SYNE3: variants seen among roughly 807,000 people sequenced by gnomAD.
SYNE3 encodes spectrin repeat containing nuclear envelope family member 3.
A neutral mutation model predicts 111.2 loss-of-function variants in SYNE3; 100 were observed. The ratio of observed to expected loss-of-function variants is 0.90; its 90% CI spans 0.77 to 1.06. SYNE3 has a LOEUF of 1.06. Among genes scored for constraint, SYNE3 ranks in the 50% least tolerant of loss-of-function variants. SYNE3 has a pLI of 0.00. For synonymous variants in SYNE3, 547 were observed against 533.9 expected, an observed-to-expected ratio of 1.02 and a Z score of -0.34; for missense variants, 1,160 against 1,240.3, an observed-to-expected ratio of 0.94 and a Z score of 0.97.
chr14:95,433,574 G>GC (rs1885916672), intron 15 of SYNE3, among the ~76,000 whole-genome samples, 165 bp from the exon 16 acceptor site: 1 of 152,210 alleles, frequency 6.6e-6, no homozygotes, highest in South Asian at 2.1e-4. Context: ...TCAAGCCAAG[G>GC]CCTAGCCCTT....
chr14:95,468,057 G>A (rs1888304618), intron 2 of SYNE3, 90 bp from the exon 3 acceptor site: 2 of 1,423,972 alleles, frequency 1.4e-6, no homozygotes, highest in Admixed American at 4.5e-5. Flanking sequence ...CAAAGAGCCA[G>A]GACTCGAAGG....
intron 17 of SYNE3, among the ~76,000 whole-genome samples, chr14:95,422,457 G>C (rs538193511): frequency 6.6e-6 from 1 of 152,244 alleles, no homozygotes; most frequent in East Asian, 1.9e-4. Flanking sequence ...CAGAGCCCAG[G>C]CTCTTCCTAC....
Position 95,417,928 on chromosome 14 carries a change from G to A in SYNE3, c.2826C>T (p.Phe942=), listed in dbSNP as rs766579567. The stretch of plus-strand genomic sequence containing the variant: ...GGTCCTCTTCCCTGATTGGGAGCAG[G>A]AACAGCAGGAGGAGGAACAGCAGCA... ...LLLLLFLLLL[F]LLPIREEDRS... Residue 942 remains phenylalanine, a synonymous_variant, in exon 18 of 18, where the codon TTC becomes TTT. Transcript: ENST00000682763. 2.5e-6 allele frequency: 4 copies of A among 1,614,114 alleles called. No individual in the cohort carries two copies. In the East Asian group the frequency reaches 8.9e-5, roughly 36 times the overall value.
intron 17 of SYNE3, among the ~76,000 whole-genome samples, chr14:95,419,226 T>C (rs1374241746): frequency 6.6e-6 from 1 of 152,156 alleles, no homozygotes. Context: ...CGAGCCCAGC[T>C]TTTAGGATCC....
At chr14:95,427,846 C>T (rs550759199) in intron 17 of SYNE3, among the ~76,000 whole-genome samples, 10 of 152,314 alleles carry the variant, frequency 6.6e-5, no homozygotes, top group Middle Eastern at 3.4e-3. Context: ...TACAATCTCT[C>T]GTCTCCGCAT....
intron 16 of SYNE3, 77 bp from the exon 17 acceptor site, chr14:95,432,194 C>T: frequency 6.6e-7 from 1 of 1,507,088 alleles, no homozygotes; most frequent in Non-Finnish European, 9.1e-7. Flanking sequence ...CCAACAGAGC[C>T]TGTAATGGAA....
At chr14:95,419,762 T>A (rs537124641) in intron 17 of SYNE3, among the ~76,000 whole-genome samples, 5 of 142,542 alleles carry the variant, frequency 3.5e-5, no homozygotes, top group African/African-American at 1.3e-4. Flanking sequence ...GTGATAATGA[T>A]CATGGAAATG....
chr14:95,439,493 C>CG, intron 13 of SYNE3, 119 bp downstream of exon 13: 1 of 1,347,248 alleles, frequency 7.4e-7, no homozygotes, highest in African/African-American at 1.4e-5. Flanking sequence ...AAGGTGCCCA[C>CG]GGCCCCTGGC....
intron 15 of SYNE3, among the ~76,000 whole-genome samples, chr14:95,435,960 G>A (rs887274878): frequency 3.3e-5 from 5 of 152,212 alleles, no homozygotes; most frequent in Non-Finnish European, 7.3e-5. Flanking sequence ...AAAATGGTAA[G>A]TGCCTAAATT....
intron 13 of SYNE3, 77 bp from the exon 14 acceptor site, chr14:95,439,239 T>TGGGGAACCACGG: frequency 1.9e-6 from 3 of 1,594,278 alleles, no homozygotes; most frequent in Non-Finnish European, 2.6e-6. Context: ...GTAATAGAAT[T>TGGGGAACCACGG]GGGGAACCAC....
At chr14:95,457,443 T>C in intron 4 of SYNE3, 105 bp from the exon 5 acceptor site, 2 of 1,369,428 alleles carry the variant, frequency 1.5e-6, no homozygotes, top group East Asian at 2.3e-5. Flanking sequence ...TGTGTGTGTG[T>C]GTTAGCAGGG....
intron 4 of SYNE3, among the ~76,000 whole-genome samples, chr14:95,464,805 T>C (rs1007423882): frequency 2.6e-5 from 4 of 152,194 alleles, no homozygotes; most frequent in African/African-American, 7.2e-5. Flanking sequence ...GGAAACAATC[T>C]ACCATGTCAG....
At chr14:95,429,382 G>C (rs1885618201) in intron 17 of SYNE3, among the ~76,000 whole-genome samples, 1 of 152,230 alleles carries the variant, frequency 6.6e-6, no homozygotes, top group Non-Finnish European at 1.5e-5. Context: ...TTTGAACCCA[G>C]AGTGTAAAGT....
intron 1 of SYNE3, among the ~76,000 whole-genome samples, chr14:95,486,974 G>A (rs909503536): frequency 7.2e-5 from 11 of 152,144 alleles, no homozygotes; most frequent in Non-Finnish European, 1.2e-4. Flanking sequence ...TGCTCCCTGC[G>A]CTGCATGCCA....
chr14:95,465,026 C>T (rs544887099), intron 4 of SYNE3, among the ~76,000 whole-genome samples: 335 of 152,284 alleles, frequency 2.2e-3, no homozygotes, highest in Middle Eastern at 3.4e-3. Context: ...AAATTTCTAA[C>T]AAATGTAATT....
chr14:95,458,001 G>T (rs533632228), intron 4 of SYNE3, among the ~76,000 whole-genome samples: 1 of 152,334 alleles, frequency 6.6e-6, no homozygotes, highest in Admixed American at 6.5e-5. Context: ...TGTTGCATGG[G>T]TTGGAATCAT....
At chr14:95,445,097 C>T (rs1291331712) in intron 9 of SYNE3, among the ~76,000 whole-genome samples, 1 of 152,204 alleles carries the variant, frequency 6.6e-6, no homozygotes, top group African/African-American at 2.4e-5. Context: ...TAATTGCCTA[C>T]TTATTTGTGT....
At chr14:95,511,475 T>C (rs61659789) in intron 1 of SYNE3, among the ~76,000 whole-genome samples, 11,274 of 152,076 alleles carry the variant, frequency 0.074, 1,287 homozygotes, top group African/African-American at 0.25. Context: ...CCGAGGTGGG[T>C]GGATCACGAG....
chr14:95,433,776 G>A (rs1327698788), intron 15 of SYNE3, among the ~76,000 whole-genome samples: 1 of 152,206 alleles, frequency 6.6e-6, no homozygotes, highest in African/African-American at 2.4e-5. Flanking sequence ...GCAGAATGGT[G>A]TTTTAATGTG....
Sources: gnomAD v4.1 joint callset for allele counts (sites outside exome capture counted in the v4.1 genomes callset) on GRCh38, gnomAD v4.1.1 for gene constraint, MANE v1.5 for transcripts, NCBI Gene and HGNC (gene_info 2026-07-23, HGNC 2026-07-21) for gene names.